Variants in NDUFAF6 observed in about 807,000 individuals in gnomAD.
NDUFAF6 encodes the protein NADH:ubiquinone oxidoreductase complex assembly factor 6.
A neutral mutation model predicts 40.8 loss-of-function variants in NDUFAF6; 45 were observed. That is an observed-to-expected ratio of 1.10 (90% CI 0.87 to 1.42). The LOEUF (loss-of-function observed/expected upper bound fraction) is 1.42. Ranked by LOEUF, NDUFAF6 falls within the 40% of genes most tolerant of loss-of-function variation. NDUFAF6 has a pLI of 0.00. For missense variants in NDUFAF6, 435 were observed against 418.5 expected (o/e 1.04, Z -0.34); for synonymous variants, 185 against 155.9 (o/e 1.19, Z -1.39).
chr8:95,044,175 C>T (rs760684272), intron 4 of NDUFAF6, among the ~76,000 whole-genome samples: 10 of 152,116 alleles, frequency 6.6e-5, no homozygotes, highest in Non-Finnish European at 7.4e-5. Flanking sequence ...CCAGAATAGA[C>T]AAATCCATGA....
At chr8:95,063,957 T>C (rs1239749515) in intron 9 of NDUFAF6, among the ~76,000 whole-genome samples, 1 of 151,338 alleles carries the variant, frequency 6.6e-6, no homozygotes, top group Non-Finnish European at 1.5e-5. Flanking sequence ...CTGCAAGCTC[T>C]GCCTCCAGGG....
chr8:94,975,720 A>G (rs1429619539), intron 1 of NDUFAF6: 7 of 152,218 alleles, frequency 4.6e-5, no homozygotes, highest in African/African-American at 1.7e-4. Context: ...TGATATTCAC[A>G]GCATTATTGA....
chr8:94,949,139 C>A (rs1822310735), intron 2 of NDUFAF6: 1 of 149,354 alleles, frequency 6.7e-6, no homozygotes, highest in Non-Finnish European at 1.5e-5. Context: ...CCGCCCGCCC[C>A]CCCCCGGCAC....
At chr8:94,948,196 C>G (rs1234957803) in intron 2 of NDUFAF6, among the ~76,000 whole-genome samples, 2 of 152,192 alleles carry the variant, frequency 1.3e-5, no homozygotes, top group Non-Finnish European at 2.9e-5. Flanking sequence ...AAAACAGACT[C>G]TCCAGGTAAA....
Position 95,087,080 on chromosome 8 carries a change from TAAAA to T in NDUFAF6, n.213+11331_213+11334del, listed in dbSNP as rs71503480. Among the ~76,000 whole-genome samples, 8 of 135,018 alleles carry T rather than the reference TAAAA, an allele frequency of 5.9e-5. No individual in the cohort carries two copies. In the South Asian group the frequency reaches 7.4e-4, roughly 13 times the overall value. The allele number at this position is 135,018 out of a possible 152,430, so 88.6% of individuals were successfully genotyped here. Reference sequence around the variant, plus strand: ...ACAACTTTTCTTTTGCCTTTTTTTTTAAAAAATTCTGCATGGTGCATATTTTTGG... The same window carrying T: ...ACAACTTTTCTTTTGCCTTTTTTTTTAATTCTGCATGGTGCATATTTTTGG... On this transcript the variant is annotated intron_variant and non_coding_transcript_variant, in intron 2 of 5. Transcript: ENST00000523184.
At chr8:94,992,669 A>G (rs1324285185) in intron 2 of NDUFAF6, among the ~76,000 whole-genome samples, 1 of 152,116 alleles carries the variant, frequency 6.6e-6, no homozygotes, top group Admixed American at 6.6e-5. Flanking sequence ...TCCAGTGGCC[A>G]TTTCTCAGTT....
chr8:95,069,857 A>G (rs1832797771), intron 9 of NDUFAF6, among the ~76,000 whole-genome samples: 1 of 148,360 alleles, frequency 6.7e-6, no homozygotes, highest in Admixed American at 6.7e-5. Context: ...TTTTTTTCCA[A>G]AGATCTTAAT....
downstream of NDUFAF6, among the ~76,000 whole-genome samples, chr8:95,118,485 T>A (rs1314798403): frequency 6.6e-6 from 1 of 152,178 alleles, no homozygotes; most frequent in African/African-American, 2.4e-5. Flanking sequence ...ATAAATTTTA[T>A]GTGTTAAGCC....
At chr8:95,028,533 C>T (rs768358787) in intron 1 of NDUFAF6, among the ~76,000 whole-genome samples, 1 of 152,108 alleles carries the variant, frequency 6.6e-6, no homozygotes, top group Non-Finnish European at 1.5e-5. Context: ...ATATTTAATA[C>T]GGCAGATCCT....
intron 3 of NDUFAF6, among the ~76,000 whole-genome samples, chr8:95,038,330 A>G (rs1031994006): frequency 2.0e-5 from 3 of 152,046 alleles, no homozygotes; most frequent in Non-Finnish European, 4.4e-5. Context: ...TGTAAGTTAT[A>G]TACATCATAA....
intron 2 of NDUFAF6, among the ~76,000 whole-genome samples, chr8:94,994,444 G>A (rs1188346146): frequency 1.3e-5 from 2 of 151,980 alleles, no homozygotes; most frequent in Non-Finnish European, 2.9e-5. Flanking sequence ...CCAGCTACTA[G>A]GGAGGCTGAG....
intron 2 of NDUFAF6, among the ~76,000 whole-genome samples, chr8:95,013,106 C>CT (rs1009657268): frequency 1.4e-4 from 21 of 148,268 alleles, no homozygotes; most frequent in Non-Finnish European, 1.5e-4. Context: ...TCTTCTTCTC[C>CT]TTTTTTTTTT....
intron 1 of NDUFAF6, chr8:94,930,167 G>A (rs1820251741): frequency 7.3e-6 from 2 of 272,814 alleles, no homozygotes; most frequent in Non-Finnish European, 1.4e-5. Flanking sequence ...TACTTGGGAA[G>A]AAATGTCTTT....
At chr8:94,934,871 G>A (rs1194469879) in intron 1 of NDUFAF6, among the ~76,000 whole-genome samples, 6 of 152,160 alleles carry the variant, frequency 3.9e-5, no homozygotes. Context: ...TAAAGTGCCA[G>A]TTAAAGTAAC....
chr8:94,932,161 T>C (rs1586695766), intron 1 of NDUFAF6: 3 of 1,567,566 alleles, frequency 1.9e-6, no homozygotes, highest in East Asian at 4.5e-5. Context: ...TAAAATGCTA[T>C]TGTAACTTTA....
chr8:94,954,153 C>CA (rs1011699798), upstream of NDUFAF6, among the ~76,000 whole-genome samples: 3 of 152,206 alleles, frequency 2.0e-5, no homozygotes, highest in East Asian at 5.8e-4. Context: ...ACCTCCGCCC[C>CA]CCGGGTTCAA....
intron 4 of NDUFAF6, among the ~76,000 whole-genome samples, chr8:95,111,384 A>G (rs1056396354): frequency 7.9e-5 from 12 of 152,228 alleles, no homozygotes; most frequent in African/African-American, 2.7e-4. Context: ...CCTTACTGAC[A>G]TATGTATCCT....
chr8:95,028,164 GTC>G (rs1272922451), intron 1 of NDUFAF6, among the ~76,000 whole-genome samples: 2 of 152,184 alleles, frequency 1.3e-5, no homozygotes, highest in Non-Finnish European at 2.9e-5. Flanking sequence ...TTATATGTCT[GTC>G]TCTCTCAACT....
chr8:95,027,749 G>T (rs1180907930), intron 1 of NDUFAF6, among the ~76,000 whole-genome samples: 1 of 152,150 alleles, frequency 6.6e-6, no homozygotes, highest in Admixed American at 6.5e-5. Flanking sequence ...ACTTGAAATA[G>T]AATTTCTGGC....
Sources: gnomAD v4.1 joint callset for allele counts (sites outside exome capture counted in the v4.1 genomes callset) on GRCh38, gnomAD v4.1.1 for gene constraint, MANE v1.5 for transcripts, NCBI Gene and HGNC (gene_info 2026-07-23, HGNC 2026-07-21) for gene names.